TESK1: variants seen among roughly 807,000 people sequenced by gnomAD.
TESK1 encodes testis associated actin remodelling kinase 1, also known as dual specificity testis-specific protein kinase 1.
TESK1 carries 18 observed loss-of-function variants against 59.9 expected under a neutral mutation model. That is an observed-to-expected ratio of 0.30 (90% CI 0.21 to 0.45). TESK1 has a LOEUF of 0.45. TESK1 is among the 20% of genes least tolerant of loss of function. The pLI is 1.00. For synonymous variants in TESK1, 341 were observed against 357.4 expected (o/e 0.95, Z 0.52); for missense variants, 748 against 840.9 (o/e 0.89, Z 1.37).
chr9:35,608,782 G>A, intron 9 of TESK1, 80 bp from the exon 10 acceptor site: 1 of 1,484,342 alleles, frequency 6.7e-7, no homozygotes, highest in Non-Finnish European at 9.0e-7. Context: ...AGTCCCACCA[G>A]CCTCCTGGAG....
In TESK1 at chr9:35,605,488, C is replaced by CTTCGGCGGATT. The variant is rs1822822854; in HGVS notation, c.-129_-128insGGCGGATTTTC. 2 of 265,946 alleles carry CTTCGGCGGATT rather than the reference C, an allele frequency of 7.5e-6. No individual in the cohort carries two copies. Among genetic ancestry groups the CTTCGGCGGATT allele is most frequent in the Admixed American group, 1.1e-4 (2 of 18,430 alleles). 16.5% of individuals were successfully genotyped at this position (265,946 alleles called of 1,614,324 possible). On this transcript the variant is annotated 5_prime_UTR_variant, in exon 1 of 10. Coordinates refer to ENST00000336395, the MANE Select transcript of TESK1 (RefSeq NM_006285.3). ...GGCGGGTCCAGGATCTTCGGCGGAT[C>CTTCGGCGGATT]TTCCATTCTCAGGGCGGGAGCCGGA...
In TESK1 at chr9:35,605,295, C is replaced by T. The variant is rs1014504546; in HGVS notation, c.-325C>T. The T allele has an allele frequency of 1.3e-5, 2 of 148,470 alleles. No homozygotes were observed. Among genetic ancestry groups the T allele is most frequent in the African/African-American group, 2.4e-5 (1 of 40,984 alleles). The allele number at this position is 148,470 out of a possible 1,614,324, so 9.2% of individuals were successfully genotyped here. A position where few individuals can be genotyped will look rare whatever the true frequency, so the allele number is the denominator to read the frequency against. ...ATCCCCGGCGGCTAAGCGGAGCAGC[C>T]GCCGCCCGCCCGCCCGCCCGCCTCC... On this transcript the variant is annotated 5_prime_UTR_variant, in exon 1 of 10. Transcript: ENST00000336395.
rs1257369170 is a variant in TESK1, at chr9:35,609,455, G to A, written c.1594G>A (p.Glu532Lys). The change falls in exon 10 of 10, where the codon GAG becomes AAG. Residue 532 changes from glutamate to lysine, a missense_variant. Around this residue, in one of 3 missense-constraint regions of TESK1, gnomAD observed 447 missense variants for 466.1 expected, o/e 0.96. Coordinates refer to ENST00000336395, the MANE Select transcript of TESK1 (RefSeq NM_006285.3). This position sits in a 1 kb window ranked among gnomAD's most constrained non-coding sequence, Gnocchi z 6.7. ...VVNSPQGWAG[E>K]PWNRAQHSLP... is the part of the protein sequence containing the mutation. ...GAACTCCCCACAAGGCTGGGCTGGGGAGCCCTGGAACCGGGCCCAGCATAG... is the reference window on the plus strand; with the variant it reads ...GAACTCCCCACAAGGCTGGGCTGGGAAGCCCTGGAACCGGGCCCAGCATAG... 13 of 1,607,390 alleles carry A rather than the reference G, an allele frequency of 8.1e-6. No homozygotes were observed. The highest frequency in any genetic ancestry group is 1.1e-5 in the Non-Finnish European group (13 of 1,176,412).
chr9:35,609,112 C>T lies in TESK1; in HGVS notation c.1251C>T (p.Pro417=), dbSNP rs777352452. 3 of 1,614,186 alleles carry T rather than the reference C, an allele frequency of 1.9e-6. No individual in the cohort carries two copies. The highest frequency in any genetic ancestry group is 2.2e-5 in the South Asian group (2 of 91,088). Reference sequence around the variant, plus strand: ...CACCATTCCCATCCACTCAGCTGCCCTTGGTGACCACTCCGGAGACCCTGG... The same window carrying T: ...CACCATTCCCATCCACTCAGCTGCCTTTGGTGACCACTCCGGAGACCCTGG... ...PPSPFPSTQL[P]LVTTPETLVQ... The change falls in exon 10 of 10, where the codon CCC becomes CCT. Residue 417 remains proline, a synonymous_variant. Coordinates refer to ENST00000336395, the MANE Select transcript of TESK1 (RefSeq NM_006285.3). This position sits in a 1 kb window ranked among gnomAD's most constrained non-coding sequence, Gnocchi z 6.7.
rs745620255 is a variant in TESK1, at chr9:35,607,316, G to C, written c.538-11G>C. On this transcript the variant is annotated splice_polypyrimidine_tract_variant and intron_variant, in intron 4 of 9. Coordinates refer to ENST00000336395, the MANE Select transcript of TESK1 (RefSeq NM_006285.3). The surrounding 1 kb of genome is among the most constrained non-coding windows in gnomAD (Gnocchi z 4.5). ...ATGAGTGCGTGGGGATACTATGTGTGTGTGTGTCAGAACTGTCTAGTCCGA... is the reference window on the plus strand; with the variant it reads ...ATGAGTGCGTGGGGATACTATGTGTCTGTGTGTCAGAACTGTCTAGTCCGA... 4 of 1,614,012 alleles carry C rather than the reference G, an allele frequency of 2.5e-6. No homozygotes were observed. In the Admixed American group the frequency reaches 5.0e-5, roughly 20 times the overall value.
Position 35,607,192 on chromosome 9 carries a change from T to C in TESK1, c.538-135T>C, listed in dbSNP as rs1822866919. 7 of 1,301,114 alleles carry C rather than the reference T, an allele frequency of 5.4e-6. No individual in the cohort carries two copies. The South Asian group carries it at 8.9e-5, about 16-fold the overall frequency. 80.6% of individuals were successfully genotyped at this position (1,301,114 alleles called of 1,614,324 possible). ...GGAGTGTTGGATGATGTTGCAATAT[T>C]GAAGTGCCTTGAAAAACTGGGAGAG... On this transcript the variant is annotated intron_variant, in intron 4 of 9. Coordinates refer to ENST00000336395, the MANE Select transcript of TESK1 (RefSeq NM_006285.3). The surrounding 1 kb of genome is among the most constrained non-coding windows in gnomAD (Gnocchi z 4.5).
At chr9:35,608,101 G>T in intron 7 of TESK1, 59 bp from the exon 8 acceptor site, 1 of 1,608,408 alleles carries the variant, frequency 6.2e-7, no homozygotes, top group Non-Finnish European at 8.5e-7. Flanking sequence ...TTCTGACTGG[G>T]GAGCAGAAGG....
rs1822940171 is a variant in TESK1 at position 35,609,718 on chromosome 9, G to A, written c.1857G>A (p.Leu619=). The change falls in exon 10 of 10, where the codon CTG becomes CTA. Residue 619 remains leucine, a synonymous_variant. Coordinates refer to ENST00000336395, the MANE Select transcript of TESK1 (RefSeq NM_006285.3). The surrounding 1 kb of genome is among the most constrained non-coding windows in gnomAD (Gnocchi z 6.7). The stretch of plus-strand genomic sequence containing the variant: ...ACGCCAAGCCACCCACACCCAGCCT[G>A]CAGCTGCCTGGGGCACGCTCTTAGC... ...GHHAKPPTPS[L]QLPGARS 6.3e-7 allele frequency: 1 copy of A among 1,597,736 alleles called. No homozygotes were observed.
Position 35,607,162 on chromosome 9 carries a change from T to C in TESK1, c.538-165T>C. ...CTCGGAGGGACTGAGTAGCACCCTG[T>C]GTTTGGAGTGTTGGATGATGTTGCA... On this transcript the variant is annotated intron_variant, in intron 4 of 9. Coordinates refer to ENST00000336395, the MANE Select transcript of TESK1 (RefSeq NM_006285.3). This position sits in a 1 kb window ranked among gnomAD's most constrained non-coding sequence, Gnocchi z 4.5. 1 of 1,210,232 alleles carries C rather than the reference T, an allele frequency of 8.3e-7. No individual in the cohort carries two copies. The highest frequency in any genetic ancestry group is 1.2e-6 in the Non-Finnish European group (1 of 857,636). 75.0% of individuals were successfully genotyped at this position (1,210,232 alleles called of 1,614,324 possible).
chr9:35,606,007 A>C lies in TESK1; in HGVS notation c.243A>C (p.Gln81His). The C allele has an allele frequency of 6.2e-7, 1 of 1,613,994 alleles. No individual in the cohort carries two copies. The highest frequency in any genetic ancestry group is 8.5e-7 in the Non-Finnish European group (1 of 1,179,988). The stretch of plus-strand genomic sequence containing the variant: ...AGGTTCGGCACCGACAGTCAGGGCA[A>C]GTCATGGTGCTGAAGATGAACAAGC... ...VYKVRHRQSGQVMVLKMNKLP... is the reference protein window; with the variant it reads ...VYKVRHRQSGHVMVLKMNKLP... The change falls in exon 2 of 10, where the codon CAA becomes CAC. Residue 81 changes from glutamine to histidine, a missense_variant. Gln to His is a conservative substitution (Grantham distance 24, BLOSUM62 0). Around this residue, in one of 3 missense-constraint regions of TESK1, gnomAD observed 168 missense variants for 257.4 expected, o/e 0.65. Transcript: ENST00000336395.
chr9:35,609,813 C>T lies in TESK1; in HGVS notation c.*71C>T, dbSNP rs1822942966. ...ACCCTGTAAGAACAGAGCACACTTGCTGGACAGTGCCAGTTCCAGATGGGC... is the reference window on the plus strand; with the variant it reads ...ACCCTGTAAGAACAGAGCACACTTGTTGGACAGTGCCAGTTCCAGATGGGC... On this transcript the variant is annotated 3_prime_UTR_variant, in exon 10 of 10. Coordinates refer to ENST00000336395, the MANE Select transcript of TESK1 (RefSeq NM_006285.3). This position sits in a 1 kb window ranked among gnomAD's most constrained non-coding sequence, Gnocchi z 6.7. 1 of 1,440,130 alleles carries T rather than the reference C, an allele frequency of 6.9e-7. No individual in the cohort carries two copies. The highest frequency in any genetic ancestry group is 2.5e-5 in the Admixed American group (1 of 39,532). 89.2% of individuals were successfully genotyped at this position (1,440,130 alleles called of 1,614,324 possible). A position where few individuals can be genotyped will look rare whatever the true frequency, so the allele number is the denominator to read the frequency against.
chr9:35,608,144 C>A lies in TESK1; in HGVS notation c.796-16C>A, dbSNP rs1467653371. 3.1e-6 allele frequency: 5 copies of A among 1,613,828 alleles called. No individual in the cohort carries two copies. The highest frequency in any genetic ancestry group is 1.3e-5 in the African/African-American group (1 of 74,946). ...AAGAAAAGCTGACTTGGAGGTCCCTCCTTCTGTCCCCACAGGACTTTGGCC... is the reference window on the plus strand; with the variant it reads ...AAGAAAAGCTGACTTGGAGGTCCCTACTTCTGTCCCCACAGGACTTTGGCC... On this transcript the variant is annotated splice_polypyrimidine_tract_variant and intron_variant, in intron 7 of 9. Coordinates refer to ENST00000336395, the MANE Select transcript of TESK1 (RefSeq NM_006285.3).
In TESK1 at chr9:35,609,891, G is replaced by C; in HGVS notation, c.*149G>C. 1 of 968,416 alleles carries C rather than the reference G, an allele frequency of 1.0e-6. No individual in the cohort carries two copies. The highest frequency in any genetic ancestry group is 1.9e-5 in the South Asian group (1 of 52,352). 60.0% of individuals were successfully genotyped at this position (968,416 alleles called of 1,614,324 possible). A position where few individuals can be genotyped will look rare whatever the true frequency, so the allele number is the denominator to read the frequency against. On this transcript the variant is annotated 3_prime_UTR_variant, in exon 10 of 10. Coordinates refer to ENST00000336395, the MANE Select transcript of TESK1 (RefSeq NM_006285.3). This position sits in a 1 kb window ranked among gnomAD's most constrained non-coding sequence, Gnocchi z 6.7. ...AGCCCCAGCATGGACTCAAGGGACA[G>C]AGCACTTCCAGTCGACCCCCCGGCT...
chr9:35,607,067 T>G lies in TESK1; in HGVS notation c.537+84T>G, dbSNP rs749603242. 2.1e-6 allele frequency: 3 copies of G among 1,460,644 alleles called. No homozygotes were observed. The highest frequency in any genetic ancestry group is 2.7e-6 in the Non-Finnish European group (3 of 1,095,320). 90.5% of individuals were successfully genotyped at this position (1,460,644 alleles called of 1,614,324 possible). ...TGGCCTGTGGATGTTGGAATATGGA[T>G]AACAGATATATTAGGATGTTGGAGT... On this transcript the variant is annotated intron_variant, in intron 4 of 9. Transcript: ENST00000336395. The surrounding 1 kb of genome is among the most constrained non-coding windows in gnomAD (Gnocchi z 4.5).
rs768860472 is a variant in TESK1, at chr9:35,609,161, C to T, written c.1300C>T (p.Arg434Cys). ...TLVQPGTPARRCRSLPSSPEL... is the reference protein window; with the variant it reads ...TLVQPGTPARCCRSLPSSPEL... The stretch of plus-strand genomic sequence containing the variant: ...GGTCCAGCCTGGGACACCTGCCCGC[C>T]GCTGCCGCTCACTACCCTCATCCCC... Residue 434 changes from arginine to cysteine, a missense_variant, in exon 10 of 10, where the codon CGC (arginine) becomes TGC (cysteine). Coordinates refer to ENST00000336395, the MANE Select transcript of TESK1 (RefSeq NM_006285.3). This position sits in a 1 kb window ranked among gnomAD's most constrained non-coding sequence, Gnocchi z 6.7. The T allele has an allele frequency of 6.8e-6, 11 of 1,613,600 alleles. No individual in the cohort carries two copies. The highest frequency in any genetic ancestry group is 2.2e-5 in the East Asian group (1 of 44,896).
chr9:35,606,762 C>G, intron 3 of TESK1, 75 bp from the exon 4 acceptor site: 1 of 1,458,452 alleles, frequency 6.9e-7, no homozygotes, highest in East Asian at 2.3e-5. Context: ...GGGAGTGTCC[C>G]CTAGCGTGTA....
chr9:35,609,344 T>C lies in TESK1; in HGVS notation c.1483T>C (p.Phe495Leu). 6 of 1,613,638 alleles carry C rather than the reference T, an allele frequency of 3.7e-6. No individual in the cohort carries two copies. Among genetic ancestry groups the C allele is most frequent in the Non-Finnish European group, 5.1e-6 (6 of 1,179,888 alleles). Reference sequence around the variant, plus strand: ...GCCTCTGGCTGTGGCCACAGACAACTTCATCAGCACCTGTTCCTCGGCCTC... The same window carrying C: ...GCCTCTGGCTGTGGCCACAGACAACCTCATCAGCACCTGTTCCTCGGCCTC... Reference protein sequence around the residue: ...QLPLAVATDNFISTCSSASQP... With the variant: ...QLPLAVATDNLISTCSSASQP... The change falls in exon 10 of 10, where the codon TTC becomes CTC. Residue 495 changes from phenylalanine to leucine, a missense_variant. By Grantham distance (22) the Phe-to-Leu change is conservative. Around this residue, in one of 3 missense-constraint regions of TESK1, gnomAD observed 447 missense variants for 466.1 expected, o/e 0.96. Coordinates refer to ENST00000336395, the MANE Select transcript of TESK1 (RefSeq NM_006285.3). The surrounding 1 kb of genome is among the most constrained non-coding windows in gnomAD (Gnocchi z 6.7).
Position 35,608,925 on chromosome 9 carries a change from G to A in TESK1, c.1064G>A (p.Ser355Asn). Reference sequence around the variant, plus strand: ...AGGCCAGATCCCCGGCTTTCCCGAAGCCGGTCAGACCTCTTCCTGCCCCCA... The same window carrying A: ...AGGCCAGATCCCCGGCTTTCCCGAAACCGGTCAGACCTCTTCCTGCCCCCA... The part of the protein sequence containing the change: ...LPRPDPRLSR[S>N]RSDLFLPPSP... The change falls in exon 10 of 10, where the codon AGC becomes AAC. Residue 355 changes from serine (S) to asparagine (N), a missense_variant. Transcript: ENST00000336395. 6.2e-7 allele frequency: 1 copy of A among 1,613,456 alleles called. No homozygotes were observed. Among genetic ancestry groups the A allele is most frequent in the Non-Finnish European group, 8.5e-7 (1 of 1,179,572 alleles).
chr9:35,607,888 CTG>C lies in TESK1; in HGVS notation c.712-38_712-37del. The C allele has an allele frequency of 6.2e-7, 1 of 1,603,278 alleles. No individual in the cohort carries two copies. Among genetic ancestry groups the C allele is most frequent in the Non-Finnish European group, 8.5e-7 (1 of 1,172,762 alleles). On this transcript the variant is annotated intron_variant, in intron 6 of 9. Transcript: ENST00000336395. The surrounding 1 kb of genome is among the most constrained non-coding windows in gnomAD (Gnocchi z 4.5). ...TTCTGTCAAAATTCTGAAATGAAAA[CTG>C]TTAATTCTTCCCCGACACTATTATC... is the stretch of plus-strand genomic sequence containing the variant.
Sources: allele counts gnomAD v4.1 joint callset, GRCh38; gene constraint gnomAD v4.1.1; regional missense constraint gnomAD v4.1.1; non-coding constraint Gnocchi (gnomAD v3.1); transcripts MANE v1.5; gene names NCBI Gene and HGNC (gene_info 2026-07-23, HGNC 2026-07-21).